Variants in GAS7 observed in about 807,000 individuals in gnomAD.
GAS7 encodes growth arrest-specific protein 7.
Under a neutral mutation model 71.1 loss-of-function variants are expected in GAS7, and 28 were observed. The ratio of observed to expected loss-of-function variants is 0.39; its 90% CI spans 0.29 to 0.54. The LOEUF (loss-of-function observed/expected upper bound fraction) is 0.54. Ranked by LOEUF, GAS7 falls within the 20% of genes least tolerant of loss-of-function variation. The pLI, the probability that GAS7 is intolerant of heterozygous loss-of-function variation, is 0.62. For synonymous variants in GAS7, 258 were observed against 245.8 expected (o/e 1.05, Z -0.46); for missense variants, 436 against 627.8 (o/e 0.69, Z 3.27).
chr17:9,964,744 T>C (rs919086751), intron 4 of GAS7, among the ~76,000 whole-genome samples: 8 of 152,190 alleles, frequency 5.3e-5, no homozygotes, highest in African/African-American at 1.9e-4. Flanking sequence ...ATTATTTATC[T>C]ACTGTTTCTC....
At chr17:9,958,445 G>C (rs191943597) in intron 5 of GAS7, among the ~76,000 whole-genome samples, 1 of 152,224 alleles carries the variant, frequency 6.6e-6, no homozygotes, top group African/African-American at 2.4e-5. Context: ...AGGGGTGGTC[G>C]GAATGGCTCA....
At chr17:10,017,307 C>T (rs576598103) in intron 2 of GAS7, among the ~76,000 whole-genome samples, 10 of 151,032 alleles carry the variant, frequency 6.6e-5, no homozygotes, top group East Asian at 1.9e-4. Flanking sequence ...AACTTGCCAA[C>T]GAAAATCATC....
chr17:9,961,260 C>T (rs534090826), intron 4 of GAS7, among the ~76,000 whole-genome samples: 38 of 152,250 alleles, frequency 2.5e-4, no homozygotes, highest in Non-Finnish European at 5.0e-4. Context: ...GCTGGCCCAC[C>T]CTATACCTTC....
chr17:9,967,449 G>A (rs1015526676), intron 4 of GAS7, among the ~76,000 whole-genome samples: 1 of 151,944 alleles, frequency 6.6e-6, no homozygotes, highest in Non-Finnish European at 1.5e-5. Flanking sequence ...CAATCCAAAC[G>A]TCTCCAGACA....
rs748844847 is a variant in GAS7 at position 9,914,505 on chromosome 17, C to T, written c.*2723G>A. The T allele has an allele frequency of 1.6e-4, 29 of 183,494 alleles. No homozygotes were observed. The highest frequency in any genetic ancestry group is 6.8e-4 in the African/African-American group (29 of 42,530). 11.4% of individuals were successfully genotyped at this position (183,494 alleles called of 1,614,324 possible). On this transcript the variant is annotated 3_prime_UTR_variant, in exon 14 of 14. Transcript: ENST00000432992. ...CCTCCCAAAGAGCTGGGATTACAGG[C>T]GTGAGCCACCGTGCCCGACCCTTAT...
chr17:10,030,311 T>C (rs762459398), intron 1 of GAS7, among the ~76,000 whole-genome samples: 1 of 152,204 alleles, frequency 6.6e-6, no homozygotes, highest in Non-Finnish European at 1.5e-5. Flanking sequence ...GAAAAATCAG[T>C]AGGAACCCAG....
intron 1 of GAS7, among the ~76,000 whole-genome samples, chr17:10,109,888 T>A (rs931205770): frequency 4.0e-5 from 6 of 151,892 alleles, no homozygotes; most frequent in African/African-American, 1.5e-4. Context: ...ACCCCCTCTG[T>A]ACTAAAAATA....
chr17:10,198,604 G>T lies in GAS7; in HGVS notation c.-214C>A. 2 of 347,034 alleles carry T rather than the reference G, an allele frequency of 5.8e-6. No homozygotes were observed. The highest frequency in any genetic ancestry group is 1.0e-5 in the Non-Finnish European group (2 of 194,228). 21.5% of individuals were successfully genotyped at this position (347,034 alleles called of 1,614,324 possible). ...TCGTTGGCTTCGCAGAGCGAGCGGCGACGCCCCCGGGCCGGGCAGCTCGCG... is the reference window on the plus strand; with the variant it reads ...TCGTTGGCTTCGCAGAGCGAGCGGCTACGCCCCCGGGCCGGGCAGCTCGCG... On this transcript the variant is annotated 5_prime_UTR_variant, in exon 1 of 14. Coordinates refer to ENST00000432992, the MANE Select transcript of GAS7 (RefSeq NM_201433.2).
At chr17:10,175,814 A>C (rs566199634) in intron 1 of GAS7, among the ~76,000 whole-genome samples, 13 of 152,222 alleles carry the variant, frequency 8.5e-5, no homozygotes, top group Admixed American at 7.2e-4. Flanking sequence ...ATTTTAACTT[A>C]CCTCTTTAAA....
intron 1 of GAS7, among the ~76,000 whole-genome samples, chr17:10,167,853 C>A (rs1396430260): frequency 6.6e-6 from 1 of 152,112 alleles, no homozygotes; most frequent in East Asian, 1.9e-4. Flanking sequence ...CATGCACCAC[C>A]ATGCCTGGCT....
chr17:9,943,076 A>C (rs1389580399), intron 7 of GAS7, 45 bp downstream of exon 7: 1 of 1,278,222 alleles, frequency 7.8e-7, no homozygotes, highest in Non-Finnish European at 1.1e-6. Flanking sequence ...GGCCCCGGGG[A>C]ACACTGGTGC....
rs529944067 is a variant in GAS7, at chr17:10,142,089, G to A, written c.183+56119C>T. On this transcript the variant is annotated intron_variant, in intron 1 of 13. Transcript: ENST00000432992. ...TAAAAACACAAAAAATTAGCCGGGC[G>A]TGGTGGCAGGTGCCTGTAGTCCCAG... 3.3e-4 allele frequency among the ~76,000 whole-genome samples: 50 copies of A among 152,086 alleles called. 1 individual carries two copies. The South Asian group carries it at 9.5e-3, about 29-fold the overall frequency.
chr17:10,158,234 C>T (rs2074219811), intron 1 of GAS7, among the ~76,000 whole-genome samples: 1 of 151,292 alleles, frequency 6.6e-6, no homozygotes, highest in Non-Finnish European at 1.5e-5. Flanking sequence ...AGGATGGTCT[C>T]GATCTCCTGA....
intron 2 of GAS7, among the ~76,000 whole-genome samples, chr17:10,007,870 C>A (rs1483803454): frequency 6.6e-6 from 1 of 151,376 alleles, no homozygotes. Flanking sequence ...AAACCCTGTA[C>A]CCATCAGCAG....
intron 1 of GAS7, among the ~76,000 whole-genome samples, chr17:10,193,222 C>T (rs1229391190): frequency 1.5e-5 from 2 of 136,318 alleles, no homozygotes; most frequent in Admixed American, 1.6e-4. Flanking sequence ...CCAGCTGCAT[C>T]GTTTATCATG....
chr17:10,015,065 G>T (rs756236877), intron 2 of GAS7, among the ~76,000 whole-genome samples: 6 of 151,984 alleles, frequency 3.9e-5, no homozygotes, highest in Non-Finnish European at 8.8e-5. Context: ...TGAGGCAAGA[G>T]AATCGCTTGA....
intron 1 of GAS7, among the ~76,000 whole-genome samples, chr17:10,083,432 T>C (rs904798726): frequency 1.3e-5 from 2 of 152,124 alleles, no homozygotes; most frequent in Non-Finnish European, 2.9e-5. Flanking sequence ...TGATGCAGGA[T>C]TTTTCTCGGT....
intron 1 of GAS7, among the ~76,000 whole-genome samples, chr17:10,101,747 C>T (rs2073701211): frequency 2.0e-5 from 3 of 152,212 alleles, no homozygotes; most frequent in Admixed American, 2.0e-4. Flanking sequence ...GGCACTCCCT[C>T]TCATTGGTTA....
At chr17:9,952,673 G>T (rs187670980) in intron 5 of GAS7, among the ~76,000 whole-genome samples, 2 of 152,154 alleles carry the variant, frequency 1.3e-5, no homozygotes, top group South Asian at 2.1e-4. Flanking sequence ...GATTACAGGC[G>T]TGAGTCACCG....
Sources: gnomAD v4.1 joint callset for allele counts (sites outside exome capture counted in the v4.1 genomes callset) on GRCh38, gnomAD v4.1.1 for gene constraint, MANE v1.5 for transcripts, NCBI Gene and HGNC (gene_info 2026-07-23, HGNC 2026-07-21) for gene names.